CCT4: variants seen among roughly 807,000 people sequenced by gnomAD.
CCT4 encodes chaperonin containing TCP1 subunit 4, also known as T-complex protein 1 subunit delta.
CCT4 carries 17 observed loss-of-function variants against 62.5 expected under a neutral mutation model. The observed-to-expected ratio is 0.27, with a 90% CI of 0.19 to 0.41. The LOEUF is 0.41. CCT4 is among the 10% of genes least tolerant of loss of function. The pLI is 1.00. For synonymous variants in CCT4, 250 were observed against 229.9 expected, an observed-to-expected ratio of 1.09 and a Z score of -0.79; for missense variants, 592 against 659.2, an observed-to-expected ratio of 0.90 and a Z score of 1.12.
In CCT4 at chr2:61,869,558, AAATC is replaced by A; in HGVS notation, c.1492-9_1492-6del. The A allele has an allele frequency of 6.5e-7, 1 of 1,530,340 alleles. No individual in the cohort carries two copies. The highest frequency in any genetic ancestry group is 9.1e-7 in the Non-Finnish European group (1 of 1,103,708). 94.8% of individuals were successfully genotyped at this position (1,530,340 alleles called of 1,614,324 possible). ...CAAAATGTTGGAAATACCACCCTGC[AAATC>A]AAATCAGCACAAGTTGCTTTTAGTG... is the stretch of plus-strand genomic sequence containing the variant. On this transcript the variant is annotated splice_polypyrimidine_tract_variant and splice_region_variant and intron_variant, in intron 12 of 13. Transcript: ENST00000394440.
Position 61,888,480 on chromosome 2 carries a change from C to G in CCT4, c.28G>C (p.Gly10Arg), listed in dbSNP as rs763660510. The change falls in exon 1 of 14, where the codon GGG becomes CGG. Residue 10 changes from glycine to arginine, a missense_variant. Physicochemically the swap from Gly to Arg is moderately radical, Grantham distance 125. Around this residue, in one of 3 missense-constraint regions of CCT4, gnomAD observed 67 missense variants for 71.1 expected, o/e 0.94. Transcript: ENST00000394440. ...CCGCCGGCAGCCCCGGCAGTCGCCC[C>G]GCTCCGGGGTGCCACATTCTCGGGC... The part of the protein sequence containing the change: MPENVAPRS[G>R]ATAGAAGGRG... The G allele has an allele frequency of 1.9e-6, 3 of 1,611,902 alleles. No individual in the cohort carries two copies. Among genetic ancestry groups the G allele is most frequent in the Admixed American group, 3.3e-5 (2 of 59,882 alleles).
In CCT4 at chr2:61,880,321, G is replaced by C; in HGVS notation, c.344C>G (p.Ser115Cys). The change falls in exon 4 of 14, where the codon TCC becomes TGC. Residue 115 changes from serine (S) to cysteine (C), a missense_variant. Coordinates refer to ENST00000394440, the MANE Select transcript of CCT4 (RefSeq NM_006430.4). ...GTTSVVIIAG[S>C]LLDSCTKLLQ... ...AAGCTTGGTACAAGAATCTAAGAGG[G>C]AGCCAGCAATGATGACTACTGATGT... The C allele has an allele frequency of 6.2e-7, 1 of 1,603,162 alleles. No homozygotes were observed. The highest frequency in any genetic ancestry group is 8.5e-7 in the Non-Finnish European group (1 of 1,175,514).
chr2:61,883,192 C>T (rs60975483), intron 3 of CCT4, among the ~76,000 whole-genome samples: 2 of 152,030 alleles, frequency 1.3e-5, no homozygotes, highest in Non-Finnish European at 2.9e-5. Context: ...GGGAGGCCAA[C>T]GTAGGTGGAT....
chr2:61,885,382 C>T (rs564924310), intron 1 of CCT4, among the ~76,000 whole-genome samples: 1 of 152,162 alleles, frequency 6.6e-6, no homozygotes, highest in African/African-American at 2.4e-5. Context: ...ATGTATGATG[C>T]TTCACTTCTG....
rs372411100 is a variant in CCT4, at chr2:61,877,382, G to A, written c.644+11C>T. ...CAAATTTTTATTCAAGTTGTAATTA[G>A]AGATGCTTACCCAAGCTTCTTAACT... On this transcript the variant is annotated intron_variant, in intron 6 of 13. Transcript: ENST00000394440. The A allele has an allele frequency of 6.2e-7, 1 of 1,600,920 alleles. No homozygotes were observed. Among genetic ancestry groups the A allele is most frequent in the Non-Finnish European group, 8.5e-7 (1 of 1,175,648 alleles).
In CCT4 at chr2:61,872,651, G is replaced by A. The variant is rs535145861; in HGVS notation, c.1126-63C>T. 5.7e-6 allele frequency: 9 copies of A among 1,573,732 alleles called. No individual in the cohort carries two copies. In the African/African-American group the frequency reaches 8.1e-5, roughly 14 times the overall value. ...TCAAAAAAACCCCACACCCAGGCCGGGCACGGCGGCTCACGCCTGTAAACC... is the reference window on the plus strand; with the variant it reads ...TCAAAAAAACCCCACACCCAGGCCGAGCACGGCGGCTCACGCCTGTAAACC... On this transcript the variant is annotated intron_variant, in intron 10 of 13. Transcript: ENST00000394440.
At chr2:61,874,464 G>A (rs936606757) in intron 8 of CCT4, among the ~76,000 whole-genome samples, 2 of 151,978 alleles carry the variant, frequency 1.3e-5, no homozygotes, top group Admixed American at 6.6e-5. Flanking sequence ...ACAAAAATTA[G>A]CCAGGCGTGG....
In CCT4 at chr2:61,883,139, T is replaced by C. The variant is rs1290607424; in HGVS notation, c.270+320A>G. Among the ~76,000 whole-genome samples the C allele has an allele frequency of 2.0e-5, 3 of 152,044 alleles. No individual in the cohort carries two copies. The East Asian group carries it at 5.8e-4, about 29-fold the overall frequency. On this transcript the variant is annotated intron_variant, in intron 3 of 13. Coordinates refer to ENST00000394440, the MANE Select transcript of CCT4 (RefSeq NM_006430.4). The stretch of plus-strand genomic sequence containing the variant: ...AAACACACTTAAAAAAGAAGACTCA[T>C]CTGGCCGGGCGCAGTAGCTCATGTC...
Position 61,888,652 on chromosome 2 carries a change from A to G in CCT4, c.-145T>C. 1 of 949,426 alleles carries G rather than the reference A, an allele frequency of 1.1e-6. No individual in the cohort carries two copies. The highest frequency in any genetic ancestry group is 2.9e-5 in the East Asian group (1 of 35,072). 58.8% of individuals were successfully genotyped at this position (949,426 alleles called of 1,614,324 possible). ...CGGCGTCGGGAGGAGGCGGAGGCGG[A>G]GAAGGGGGCCTTCCTTGCCGCGCGG... On this transcript the variant is annotated 5_prime_UTR_variant, in exon 1 of 14. Coordinates refer to ENST00000394440, the MANE Select transcript of CCT4 (RefSeq NM_006430.4).
At position 61,875,994 on chromosome 2, in the gene CCT4, T is replaced by C; in HGVS notation, c.917+101A>G. ...AGTTGTCTGTTAAGAAATACGAACTTAGAGTAAGTGCTTAAATCATATATT... is the reference window on the plus strand; with the variant it reads ...AGTTGTCTGTTAAGAAATACGAACTCAGAGTAAGTGCTTAAATCATATATT... On this transcript the variant is annotated intron_variant, in intron 8 of 13. Transcript: ENST00000394440. 4.4e-6 allele frequency: 3 copies of C among 687,454 alleles called. No homozygotes were observed. The South Asian group carries it at 7.8e-5, about 18-fold the overall frequency. 42.6% of individuals were successfully genotyped at this position (687,454 alleles called of 1,614,324 possible). A position where few individuals can be genotyped will look rare whatever the true frequency, so the allele number is the denominator to read the frequency against.
intron 8 of CCT4, among the ~76,000 whole-genome samples, chr2:61,875,787 A>T (rs1223574471): frequency 6.6e-6 from 1 of 152,060 alleles, no homozygotes; most frequent in Admixed American, 6.6e-5. Flanking sequence ...TGTAAAAGAA[A>T]ATTACACCTT....
At chr2:61,876,312 A>G in intron 7 of CCT4, 78 bp from the exon 8 acceptor site, 3 of 1,084,740 alleles carry the variant, frequency 2.8e-6, no homozygotes, top group Non-Finnish European at 4.0e-6. Context: ...CGAAAATACT[A>G]TGTGTTGTAT....
rs1471337876 is a variant in CCT4, at chr2:61,868,300, G to A, written c.*392C>T. On this transcript the variant is annotated 3_prime_UTR_variant, in exon 14 of 14. Transcript: ENST00000394440. ...CCCAAGCCAAAGTAGGTTCAGAGAG[G>A]TGCCACTTGGATCATTAACTTTTAA... 1 of 166,654 alleles carries A rather than the reference G, an allele frequency of 6.0e-6. No homozygotes were observed. Among genetic ancestry groups the A allele is most frequent in the Non-Finnish European group, 1.3e-5 (1 of 77,342 alleles). 10.3% of individuals were successfully genotyped at this position (166,654 alleles called of 1,614,324 possible).
Position 61,880,305 on chromosome 2 carries a change from A to G in CCT4, c.360T>C (p.Cys120=), listed in dbSNP as rs781373821. Reference sequence around the variant, plus strand: ...ACCCACCTTTCTGAAGAAGCTTGGTACAAGAATCTAAGAGGGAGCCAGCAA... The same window carrying G: ...ACCCACCTTTCTGAAGAAGCTTGGTGCAAGAATCTAAGAGGGAGCCAGCAA... ...VIIAGSLLDS[C]TKLLQKGIHP... The change falls in exon 4 of 14, where the codon TGT becomes TGC. Residue 120 remains cysteine (C), a synonymous_variant. Coordinates refer to ENST00000394440, the MANE Select transcript of CCT4 (RefSeq NM_006430.4). 13 of 1,582,832 alleles carry G rather than the reference A, an allele frequency of 8.2e-6. No homozygotes were observed. In the East Asian group the frequency reaches 2.7e-4, roughly 33 times the overall value.
intron 5 of CCT4, 59 bp downstream of exon 5, chr2:61,878,803 CATCAAGA>C (rs1481975964): frequency 5.5e-6 from 6 of 1,081,598 alleles, no homozygotes; most frequent in Non-Finnish European, 8.2e-6. Context: ...TACCGTATAG[CATCAAGA>C]ATCATAGAGT....
At chr2:61,887,472 A>C (rs1669283365) in intron 1 of CCT4, among the ~76,000 whole-genome samples, 1 of 152,180 alleles carries the variant, frequency 6.6e-6, no homozygotes, top group African/African-American at 2.4e-5. Context: ...GCCCCAACCT[A>C]GCTTTCTAAT....
At chr2:61,888,355 C>T (rs373615315) in intron 1 of CCT4, 26 bp downstream of exon 1, 2 of 1,602,308 alleles carry the variant, frequency 1.2e-6, no homozygotes, top group African/African-American at 2.7e-5. Context: ...CCCGCGGCGC[C>T]GCGGGTCAGG....
chr2:61,868,468 A>G lies in CCT4; in HGVS notation c.*224T>C. The G allele has an allele frequency of 4.1e-6, 2 of 488,442 alleles. No homozygotes were observed. The highest frequency in any genetic ancestry group is 7.4e-5 in the South Asian group (2 of 27,086). 30.3% of individuals were successfully genotyped at this position (488,442 alleles called of 1,614,324 possible). ...TAGTTTTTATTAGTTTTTCAAAAGT[A>G]TCAGAAATAACAGAATGTTGGGAGA... On this transcript the variant is annotated 3_prime_UTR_variant, in exon 14 of 14. Transcript: ENST00000394440.
At chr2:61,877,736 T>G (rs1669031845) in intron 5 of CCT4, among the ~76,000 whole-genome samples, 1 of 152,154 alleles carries the variant, frequency 6.6e-6, no homozygotes, top group African/African-American at 2.4e-5. Flanking sequence ...TTTTCTTTTA[T>G]TAATATAATA....
Sources: gnomAD v4.1 joint callset for allele counts (sites outside exome capture counted in the v4.1 genomes callset) on GRCh38, gnomAD v4.1.1 for gene constraint, gnomAD v4.1.1 regional missense constraint, MANE v1.5 for transcripts, NCBI Gene and HGNC (gene_info 2026-07-23, HGNC 2026-07-21) for gene names.